The following SAMD4A variants were observed in gnomAD, a reference collection of about 807,000 sequenced individuals.
SAMD4A encodes protein Smaug homolog 1.
In SAMD4A, 33 loss-of-function variants were observed where a neutral mutation model predicts 81.3. The observed-to-expected ratio is 0.41, with a 90% CI of 0.31 to 0.54. SAMD4A has a LOEUF of 0.54. Ranked by LOEUF, SAMD4A falls within the 20% of genes least tolerant of loss-of-function variation. SAMD4A has a pLI of 0.37. For missense variants in SAMD4A, 854 were observed against 951.1 expected, an observed-to-expected ratio of 0.90 and a Z score of 1.34; for synonymous variants, 389 against 382.1, an observed-to-expected ratio of 1.02 and a Z score of -0.21.
chr14:54,679,189 G>T (rs940627772), intron 2 of SAMD4A, among the ~76,000 whole-genome samples: 1 of 152,066 alleles, frequency 6.6e-6, no homozygotes, highest in African/African-American at 2.4e-5. Context: ...AGTTGTTTTG[G>T]GTGATTCTAA....
intron 2 of SAMD4A, among the ~76,000 whole-genome samples, chr14:54,611,363 G>A (rs2034350386): frequency 6.6e-6 from 1 of 152,186 alleles, no homozygotes; most frequent in African/African-American, 2.4e-5. Flanking sequence ...CAGGACACCA[G>A]TGGCCTTCCG....
At chr14:54,682,756 A>G (rs12435729) in intron 2 of SAMD4A, among the ~76,000 whole-genome samples, 3,701 of 152,310 alleles carry the variant, frequency 0.024, 105 homozygotes, top group East Asian at 0.09. Flanking sequence ...ATTAAAGCGT[A>G]AAAGGAAATA....
Position 54,771,795 on chromosome 14 carries a change from G to A in SAMD4A, c.1715+1573G>A, listed in dbSNP as rs548935942. Among the ~76,000 whole-genome samples the A allele has an allele frequency of 1.2e-4, 19 of 152,288 alleles. No individual in the cohort carries two copies. The South Asian group carries it at 3.7e-3, about 30-fold the overall frequency. ...CGGAGGTTGGAGATGAAGATGGGGC[G>A]GCTCTTTGCTGCTCCTCCCAAAGTC... On this transcript the variant is annotated intron_variant, in intron 9 of 12. Transcript: ENST00000554335.
intron 11 of SAMD4A, among the ~76,000 whole-genome samples, chr14:54,780,887 T>G (rs1303397495): frequency 6.6e-6 from 1 of 152,074 alleles, no homozygotes; most frequent in East Asian, 1.9e-4. Flanking sequence ...TGGCCATCTC[T>G]GCCATCCTCA....
At chr14:54,658,533 A>G (rs1400439948) in intron 2 of SAMD4A, among the ~76,000 whole-genome samples, 1 of 152,104 alleles carries the variant, frequency 6.6e-6, no homozygotes, top group African/African-American at 2.4e-5. Flanking sequence ...CATCCTAAGC[A>G]TGGGACCCGT....
At chr14:54,746,836 G>A (rs934052944) in intron 4 of SAMD4A, among the ~76,000 whole-genome samples, 6 of 152,190 alleles carry the variant, frequency 3.9e-5, no homozygotes, top group African/African-American at 1.4e-4. Flanking sequence ...CAGTGACTTG[G>A]GACTTTCAAG....
chr14:54,585,294 A>T (rs2033583812), intron 2 of SAMD4A, among the ~76,000 whole-genome samples: 1 of 152,144 alleles, frequency 6.6e-6, no homozygotes, highest in African/African-American at 2.4e-5. Flanking sequence ...GGTTATTTCC[A>T]GTTTCTTACA....
At chr14:54,709,518 G>A (rs1347578451) in intron 3 of SAMD4A, among the ~76,000 whole-genome samples, 1 of 152,040 alleles carries the variant, frequency 6.6e-6, no homozygotes, top group African/African-American at 2.4e-5. Context: ...AGGGAAGAGT[G>A]GGTTGGGATA....
At chr14:54,699,416 C>G (rs990587387) in intron 2 of SAMD4A, among the ~76,000 whole-genome samples, 2 of 152,136 alleles carry the variant, frequency 1.3e-5, no homozygotes, top group Non-Finnish European at 1.5e-5. Flanking sequence ...CTCCTGCCAG[C>G]CTTCCCCATC....
chr14:54,572,744 C>G (rs148537168), intron 2 of SAMD4A, among the ~76,000 whole-genome samples: 2 of 152,272 alleles, frequency 1.3e-5, no homozygotes, highest in African/African-American at 4.8e-5. Context: ...GATTATAAAA[C>G]CTTGTTATTG....
At chr14:54,648,365 T>G (rs1388396560) in intron 2 of SAMD4A, among the ~76,000 whole-genome samples, 7 of 152,218 alleles carry the variant, frequency 4.6e-5, no homozygotes, top group Non-Finnish European at 7.3e-5. Flanking sequence ...TATTGTGGGT[T>G]GAAGTACAGT....
Position 54,688,284 on chromosome 14 carries a change from G to A in SAMD4A, c.197-13778G>A, listed in dbSNP as rs561964546. 169 of 985,400 alleles carry A rather than the reference G, an allele frequency of 1.7e-4. No homozygotes were observed. The African/African-American group carries it at 2.7e-3, about 15-fold the overall frequency. 61.0% of individuals were successfully genotyped at this position (985,400 alleles called of 1,614,324 possible). On this transcript the variant is annotated intron_variant, in intron 2 of 12. Coordinates refer to ENST00000554335, the MANE Select transcript of SAMD4A (RefSeq NM_015589.6). ...ACCAAACTTCACCAAACGGTTCTCC[G>A]GAGCAACCGTTTAGAGGTAACGTAC...
At chr14:54,643,950 G>A (rs2035229512) in intron 2 of SAMD4A, among the ~76,000 whole-genome samples, 1 of 152,158 alleles carries the variant, frequency 6.6e-6, no homozygotes, top group Non-Finnish European at 1.5e-5. Flanking sequence ...TTCACACTGG[G>A]CGGGGAAGAC....
intron 2 of SAMD4A, among the ~76,000 whole-genome samples, chr14:54,679,200 T>C (rs144476786): frequency 2.0e-5 from 3 of 152,194 alleles, no homozygotes; most frequent in African/African-American, 7.2e-5. Flanking sequence ...GTGATTCTAA[T>C]GTGTCTACAA....
chr14:54,655,530 G>A (rs1003955016), intron 2 of SAMD4A, among the ~76,000 whole-genome samples: 1 of 151,896 alleles, frequency 6.6e-6, no homozygotes, highest in African/African-American at 2.4e-5. Flanking sequence ...TCGGGAGTTC[G>A]AGACCAGCCC....
chr14:54,767,966 C>T (rs910632240), intron 8 of SAMD4A, among the ~76,000 whole-genome samples: 3 of 152,186 alleles, frequency 2.0e-5, no homozygotes, highest in South Asian at 2.1e-4. Flanking sequence ...TCAGGGAATG[C>T]GCCGACCTCC....
intron 2 of SAMD4A, among the ~76,000 whole-genome samples, chr14:54,669,577 G>C (rs1467280352): frequency 6.7e-6 from 1 of 150,230 alleles, no homozygotes; most frequent in Non-Finnish European, 1.5e-5. Context: ...TCCTGCCTCA[G>C]CCTCCCAAGT....
intron 2 of SAMD4A, among the ~76,000 whole-genome samples, chr14:54,576,322 A>G (rs140006140): frequency 1.3e-5 from 2 of 152,332 alleles, no homozygotes; most frequent in African/African-American, 2.4e-5. Flanking sequence ...TAAAATGTCA[A>G]TGCTGAACCA....
chr14:54,608,867 C>T lies in SAMD4A; in HGVS notation c.196+40755C>T, dbSNP rs2034285008. On this transcript the variant is annotated intron_variant, in intron 2 of 12. Coordinates refer to ENST00000554335, the MANE Select transcript of SAMD4A (RefSeq NM_015589.6). ...CTTTAAAGGTGAGGGCGTGGAGAAA[C>T]CATAGCTGGACAGTTAGCAACGGAA... 3.3e-5 allele frequency among the ~76,000 whole-genome samples: 5 copies of T among 152,186 alleles called. No homozygotes were observed. In the South Asian group the frequency reaches 1.0e-3, roughly 31 times the overall value.
Sources: allele counts gnomAD v4.1 joint callset (sites outside exome capture counted in the v4.1 genomes callset), GRCh38; gene constraint gnomAD v4.1.1; transcripts MANE v1.5; gene names NCBI Gene and HGNC (gene_info 2026-07-23, HGNC 2026-07-21).